CES5A: variants seen among roughly 807,000 people sequenced by gnomAD.
CES5A encodes carboxylesterase 5.
CES5A carries 67 observed loss-of-function variants against 62.9 expected under a neutral mutation model. That is an observed-to-expected ratio of 1.07 (90% CI 0.88 to 1.31). CES5A has a LOEUF of 1.31. Ranked by LOEUF, CES5A falls within the 50% of genes most tolerant of loss-of-function variation. The pLI, the probability that CES5A is intolerant of heterozygous loss-of-function variation, is 0.00. For missense variants in CES5A, 748 were observed against 708.5 expected, an observed-to-expected ratio of 1.06 and a Z score of -0.63; for synonymous variants, 296 against 280.8, an observed-to-expected ratio of 1.05 and a Z score of -0.54.
At position 55,871,543 on chromosome 16, in the gene CES5A, T is replaced by C. The variant is rs111419434; in HGVS notation, c.417+82A>G. ...TTACCCAACAGGGGGTAGTTCCAAT[T>C]CCAGACATGTAGCTGCACTGCCTGG... On this transcript the variant is annotated intron_variant, in intron 3 of 12. Transcript: ENST00000290567. 2,379 of 1,521,412 alleles carry C rather than the reference T, an allele frequency of 1.6e-3. 10 individuals are homozygous for C. Among genetic ancestry groups the C allele is most frequent in the African/African-American group, 0.012 (855 of 72,968 alleles). 94.2% of individuals were successfully genotyped at this position (1,521,412 alleles called of 1,614,324 possible). A position where few individuals can be genotyped will look rare whatever the true frequency, so the allele number is the denominator to read the frequency against.
intron 2 of CES5A, chr16:55,944,458 C>T (rs1307695658): frequency 1.1e-5 from 2 of 182,374 alleles, no homozygotes; most frequent in African/African-American, 4.7e-5. Flanking sequence ...TGTGCAGTGC[C>T]ACTCAGACCA....
chr16:55,889,033 T>C (rs148998406), intron 1 of CES5A, among the ~76,000 whole-genome samples: 4 of 152,186 alleles, frequency 2.6e-5, no homozygotes, highest in East Asian at 3.9e-4. Context: ...AAGGGGAGCT[T>C]TACTCAAAAG....
rs2034383169 is a variant in CES5A, at chr16:55,936,961, T to C, written c.160+12824A>G. On this transcript the variant is annotated intron_variant, in intron 2 of 13. Transcript: ENST00000521992. ...ATTATAATTATACTCCCTTGACAGA[T>C]GAGGAAACTGAGGCACACAGATGTT... is the stretch of plus-strand genomic sequence containing the variant. Among the ~76,000 whole-genome samples, 4 of 152,176 alleles carry C rather than the reference T, an allele frequency of 2.6e-5. No homozygotes were observed. The South Asian group carries it at 8.3e-4, about 32-fold the overall frequency.
chr16:55,866,700 C>G (rs1489315487), intron 4 of CES5A, among the ~76,000 whole-genome samples: 1 of 128,276 alleles, frequency 7.8e-6, no homozygotes, highest in Non-Finnish European at 1.8e-5. Flanking sequence ...TAGCTGGACA[C>G]GGTGGCAGGC....
At chr16:55,877,875 G>A (rs983789919), upstream of CES5A, among the ~76,000 whole-genome samples, 6 of 152,168 alleles carry the variant, frequency 3.9e-5, no homozygotes, top group South Asian at 2.1e-4. Context: ...TCCTGCCCTC[G>A]AGCTGCAGGC....
chr16:55,941,366 T>C (rs1250213779), intron 2 of CES5A, among the ~76,000 whole-genome samples: 1 of 152,014 alleles, frequency 6.6e-6, no homozygotes, highest in Non-Finnish European at 1.5e-5. Context: ...AACAAAATTT[T>C]AAAACAATGT....
chr16:55,852,807 G>A, intron 10 of CES5A, 74 bp downstream of exon 10: 3 of 1,522,684 alleles, frequency 2.0e-6, no homozygotes, highest in Non-Finnish European at 2.7e-6. Flanking sequence ...CAGCCGCTCA[G>A]TAGACAATAT....
intron 1 of CES5A, among the ~76,000 whole-genome samples, chr16:55,895,733 C>A (rs113900787): frequency 1.3e-5 from 2 of 152,242 alleles, no homozygotes; most frequent in Admixed American, 6.5e-5. Context: ...GTATTTTACA[C>A]GTGAGAAGAA....
At chr16:55,928,981 C>A (rs1425427877), upstream of CES5A, among the ~76,000 whole-genome samples, 1 of 152,144 alleles carries the variant, frequency 6.6e-6, no homozygotes, top group Non-Finnish European at 1.5e-5. Flanking sequence ...TGCTTCCCAG[C>A]CACAGCCTGC....
intron 1 of CES5A, among the ~76,000 whole-genome samples, chr16:55,916,521 C>T (rs1567353307): frequency 6.6e-6 from 1 of 152,160 alleles, no homozygotes. Flanking sequence ...ATCTTATTAT[C>T]ATAATTTTGC....
intron 1 of CES5A, among the ~76,000 whole-genome samples, chr16:55,955,660 C>T (rs559867028): frequency 6.6e-6 from 1 of 152,222 alleles, no homozygotes; most frequent in Non-Finnish European, 1.5e-5. Context: ...GCCTGCCTCT[C>T]AGTTCCTTAG....
intron 1 of CES5A, among the ~76,000 whole-genome samples, chr16:55,913,521 G>A (rs112143560): frequency 0.015 from 2,319 of 152,260 alleles, 72 homozygotes; most frequent in African/African-American, 0.053. Flanking sequence ...GGGTCTTTTC[G>A]GGAAAGGGCT....
At chr16:55,872,636 CA>C (rs2033614901) in intron 2 of CES5A, among the ~76,000 whole-genome samples, 1 of 152,138 alleles carries the variant, frequency 6.6e-6, no homozygotes, top group South Asian at 2.1e-4. Context: ...GAATAGTGTG[CA>C]ATATTGCTGC....
chr16:55,920,038 C>T (rs2034187625), intron 1 of CES5A, among the ~76,000 whole-genome samples: 1 of 152,152 alleles, frequency 6.6e-6, no homozygotes. Context: ...CACCCTTCCC[C>T]CACCAGCAGG....
rs144616662 is a variant in CES5A at position 55,921,750 on chromosome 16, G to A, written c.-256+3573C>T. 2.4e-3 allele frequency among the ~76,000 whole-genome samples: 369 copies of A among 151,620 alleles called. 2 individuals carry two copies. Among genetic ancestry groups the A allele is most frequent in the African/African-American group, 8.3e-3 (345 of 41,350 alleles). On this transcript the variant is annotated intron_variant, in intron 1 of 12. Transcript: ENST00000518005. ...TACTCTAATACTGTAATTATGGTGTGCAATCCACTCATAACTCTAGTATGG... is the reference window on the plus strand; with the variant it reads ...TACTCTAATACTGTAATTATGGTGTACAATCCACTCATAACTCTAGTATGG...
intron 1 of CES5A, among the ~76,000 whole-genome samples, chr16:55,882,867 T>TG (rs1353262388): frequency 1.3e-5 from 2 of 152,220 alleles, no homozygotes; most frequent in Non-Finnish European, 2.9e-5. Context: ...GGCCACCTCT[T>TG]GCTCATCCTG....
intron 2 of CES5A, among the ~76,000 whole-genome samples, chr16:55,937,274 C>T (rs2034386750): frequency 6.6e-6 from 1 of 152,210 alleles, no homozygotes; most frequent in South Asian, 2.1e-4. Flanking sequence ...ACCCCAATCA[C>T]CTTGCATGAT....
chr16:55,938,781 T>TATATATACAC (rs2034411323), intron 2 of CES5A, among the ~76,000 whole-genome samples: 2 of 93,160 alleles, frequency 2.1e-5, no homozygotes, highest in African/African-American at 1.1e-4. Flanking sequence ...TATATATATA[T>TATATATACAC]ATATATATAT....
rs1309922670 is a variant in CES5A, at chr16:55,861,441, G to T, written c.886C>A (p.Pro296Thr). 9 of 1,613,612 alleles carry T rather than the reference G, an allele frequency of 5.6e-6. No homozygotes were observed. Among genetic ancestry groups the T allele is most frequent in the Non-Finnish European group, 6.8e-6 (8 of 1,179,682 alleles). ...EALLRCLRTK[P>T]SKELLTLSQK... ...CTGAGGGTCAGCAGCTCCTTGGAGG[G>T]TTTTGTCCTCAGGCACCTCAGCAGG... The change falls in exon 7 of 13, where the codon CCC (proline) becomes ACC (threonine). Residue 296 changes from proline (P) to threonine (T), a missense_variant. Pro to Thr is a conservative substitution (Grantham distance 38, BLOSUM62 -1). Coordinates refer to ENST00000290567, the MANE Select transcript of CES5A (RefSeq NM_001143685.2).
Sources: gnomAD v4.1 joint callset for allele counts (sites outside exome capture counted in the v4.1 genomes callset) on GRCh38, gnomAD v4.1.1 for gene constraint, MANE v1.5 for transcripts, NCBI Gene and HGNC (gene_info 2026-07-23, HGNC 2026-07-21) for gene names.